GAB2: variants seen among roughly 807,000 people sequenced by gnomAD.
GAB2 encodes GRB2 associated binding protein 2, also known as GRB2-associated-binding protein 2.
A neutral mutation model predicts 65.5 loss-of-function variants in GAB2; 26 were observed. The observed-to-expected ratio is 0.40, with a 90% confidence interval of 0.29 to 0.55. The LOEUF is 0.55. Ranked by LOEUF, GAB2 falls within the 20% of genes least tolerant of loss-of-function variation. The probability of loss-of-function intolerance (pLI) is 0.53; values close to 1 mark genes in which losing one functional copy is unlikely to be tolerated. For missense variants in GAB2, 884 were observed against 875.8 expected (o/e 1.01, Z -0.12); for synonymous variants, 321 against 329.6 (o/e 0.97, Z 0.28).
chr11:78,362,182 A>T (rs1307010478), intron 1 of GAB2, among the ~76,000 whole-genome samples: 1 of 152,104 alleles, frequency 6.6e-6, no homozygotes, highest in African/African-American at 2.4e-5. Flanking sequence ...TATTAGATAT[A>T]TTCTAACATA....
chr11:78,266,436 A>G (rs1388760360), intron 2 of GAB2, among the ~76,000 whole-genome samples: 2 of 152,090 alleles, frequency 1.3e-5, no homozygotes, highest in African/African-American at 2.4e-5. Context: ...CAGCCCAGGC[A>G]CAAAAGAAGA....
rs190155087 is a variant in GAB2 at position 78,293,990 on chromosome 11, A to C, written c.76-13089T>G. Among the ~76,000 whole-genome samples, 4 of 152,288 alleles carry C rather than the reference A, an allele frequency of 2.6e-5. No individual in the cohort carries two copies. In the East Asian group the frequency reaches 5.8e-4, roughly 22 times the overall value. ...GTGCAGGTTAGTTACATATGTATACATGTGCCATGTTGGTGTGCTGCACCC... is the reference window on the plus strand; with the variant it reads ...GTGCAGGTTAGTTACATATGTATACCTGTGCCATGTTGGTGTGCTGCACCC... On this transcript the variant is annotated intron_variant, in intron 1 of 9. Coordinates refer to ENST00000361507, the MANE Select transcript of GAB2 (RefSeq NM_080491.3).
chr11:78,407,693 G>GAAAT, intron 1 of GAB2, among the ~76,000 whole-genome samples: 1 of 140,878 alleles, frequency 7.1e-6, no homozygotes, highest in African/African-American at 2.8e-5. Flanking sequence ...AAGAAAGAAA[G>GAAAT]AAAGAAAGAG....
At chr11:78,387,776 T>G (rs530363771) in intron 1 of GAB2, among the ~76,000 whole-genome samples, 2 of 152,276 alleles carry the variant, frequency 1.3e-5, no homozygotes, top group African/African-American at 4.8e-5. Context: ...TACTAAATAG[T>G]AGAGCCAGGA....
chr11:78,390,734 AGGT>A (rs1856824151), intron 1 of GAB2, among the ~76,000 whole-genome samples: 1 of 152,240 alleles, frequency 6.6e-6, no homozygotes, highest in Non-Finnish European at 1.5e-5. Flanking sequence ...AAGTCTCAAC[AGGT>A]GACTCAGGAA....
At chr11:78,317,283 G>T (rs186945741) in intron 1 of GAB2, among the ~76,000 whole-genome samples, 1 of 152,120 alleles carries the variant, frequency 6.6e-6, no homozygotes, top group Non-Finnish European at 1.5e-5. Context: ...ATTACGATGG[G>T]CCGGGCACAG....
At chr11:78,264,852 A>G (rs888746268) in intron 2 of GAB2, among the ~76,000 whole-genome samples, 4 of 152,182 alleles carry the variant, frequency 2.6e-5, no homozygotes, top group African/African-American at 9.6e-5. Flanking sequence ...GATAGGGGTT[A>G]TTTAGGATAT....
intron 2 of GAB2, among the ~76,000 whole-genome samples, chr11:78,252,000 T>G (rs1180905464): frequency 6.6e-6 from 1 of 152,248 alleles, no homozygotes; most frequent in African/African-American, 2.4e-5. Flanking sequence ...GAAATAAAAG[T>G]TTAAAGATGT....
intron 2 of GAB2, among the ~76,000 whole-genome samples, chr11:78,268,422 A>G (rs956800974): frequency 6.6e-6 from 1 of 152,210 alleles, no homozygotes; most frequent in Non-Finnish European, 1.5e-5. Flanking sequence ...TCAGAGGTCC[A>G]AGGTGACCTT....
At chr11:78,305,045 C>T (rs561654990) in intron 1 of GAB2, among the ~76,000 whole-genome samples, 3 of 152,300 alleles carry the variant, frequency 2.0e-5, no homozygotes, top group African/African-American at 7.2e-5. Flanking sequence ...AGAGATAGCA[C>T]GGGAACTGAG....
chr11:78,223,364 G>A, intron 6 of GAB2, 48 bp downstream of exon 6: 2 of 1,432,946 alleles, frequency 1.4e-6, no homozygotes, highest in South Asian at 3.1e-5. Flanking sequence ...AATGGAAAGA[G>A]TCCCTAGCCA....
intron 1 of GAB2, among the ~76,000 whole-genome samples, chr11:78,400,396 G>A (rs994680122): frequency 3.3e-5 from 5 of 152,154 alleles, no homozygotes; most frequent in African/African-American, 1.2e-4. Context: ...AGTCTTTCTA[G>A]TCTGCAAATG....
chr11:78,315,440 A>C (rs531432955), intron 1 of GAB2, among the ~76,000 whole-genome samples: 1 of 152,360 alleles, frequency 6.6e-6, no homozygotes, highest in South Asian at 2.1e-4. Flanking sequence ...AGAACTTTTC[A>C]GCAAATGGTG....
intron 1 of GAB2, among the ~76,000 whole-genome samples, chr11:78,307,401 T>C (rs1318151170): frequency 1.3e-5 from 2 of 152,120 alleles, no homozygotes; most frequent in African/African-American, 4.8e-5. Context: ...TATCACAGAA[T>C]TGTGTATGAA....
intron 1 of GAB2, among the ~76,000 whole-genome samples, chr11:78,401,926 A>G (rs962032381): frequency 7.9e-5 from 12 of 152,326 alleles, no homozygotes; most frequent in Admixed American, 1.3e-4. Flanking sequence ...TACTAAAATG[A>G]ATTTCCATCT....
rs1864162069 is a variant in GAB2 at position 78,216,649 on chromosome 11, A to AT, written c.*2622dup. On this transcript the variant is annotated 3_prime_UTR_variant, in exon 10 of 10. Transcript: ENST00000361507. Reference sequence around the variant, plus strand: ...GGGCTGGAAGGAAGCCTCCTGGGAGATTCGATTTGAACACCTCAGTCGCTC... The same window carrying AT: ...GGGCTGGAAGGAAGCCTCCTGGGAGATTTCGATTTGAACACCTCAGTCGCTC... 6.6e-6 allele frequency: 1 copy of AT among 152,060 alleles called. No homozygotes were observed. The highest frequency in any genetic ancestry group is 1.5e-5 in the Non-Finnish European group (1 of 68,022). The allele number at this position is 152,060 out of a possible 1,614,324, so 9.4% of individuals were successfully genotyped here.
chr11:78,402,809 G>C (rs1856991792), intron 1 of GAB2, among the ~76,000 whole-genome samples: 1 of 151,972 alleles, frequency 6.6e-6, no homozygotes, highest in African/African-American at 2.4e-5. Context: ...TTATTACAAT[G>C]AACTGCATGC....
At chr11:78,378,977 C>T (rs1349326108) in intron 1 of GAB2, among the ~76,000 whole-genome samples, 1 of 152,178 alleles carries the variant, frequency 6.6e-6, no homozygotes, top group Non-Finnish European at 1.5e-5. Context: ...ATGGAGCCAG[C>T]TTCCCCAGAA....
At chr11:78,415,479 T>C (rs915466291) in intron 1 of GAB2, among the ~76,000 whole-genome samples, 1 of 152,176 alleles carries the variant, frequency 6.6e-6, no homozygotes, top group African/African-American at 2.4e-5. Context: ...GAAAAGTAGA[T>C]GTAAAGGCAT....
Sources: allele counts gnomAD v4.1 joint callset (sites outside exome capture counted in the v4.1 genomes callset), GRCh38; gene constraint gnomAD v4.1.1; transcripts MANE v1.5; gene names NCBI Gene and HGNC (gene_info 2026-07-23, HGNC 2026-07-21).